Variants in SPRR2G observed in about 807,000 individuals in gnomAD.
SPRR2G encodes small proline rich protein 2G.
A neutral mutation model predicts 0.7 loss-of-function variants in SPRR2G; 1 was observed. The observed-to-expected ratio is 1.49, with a 90% confidence interval of 0.53 to 7.06. SPRR2G has a LOEUF of 7.06. SPRR2G is among the 30% of genes most tolerant of loss of function. The pLI, the probability that SPRR2G is intolerant of heterozygous loss-of-function variation, is 0.14. For synonymous variants in SPRR2G, 38 were observed against 33.9 expected (o/e 1.12, Z -0.42); for missense variants, 96 against 88.5 (o/e 1.09, Z -0.34).
the SPRR2G span, among the ~76,000 whole-genome samples, chr1:153,172,586 G>A: frequency 2.0e-5 from 3 of 152,040 alleles, no homozygotes; most frequent in Non-Finnish European, 4.4e-5. Flanking sequence ...AACCTTGCTA[G>A]TCACTCAATA....
the SPRR2G span, among the ~76,000 whole-genome samples, chr1:153,196,470 T>C: frequency 6.6e-6 from 1 of 152,250 alleles, no homozygotes; most frequent in Non-Finnish European, 1.5e-5. Flanking sequence ...GATGGACATT[T>C]AGGTTATTTT....
chr1:153,187,940 T>G, the SPRR2G span, among the ~76,000 whole-genome samples: 42 of 152,208 alleles, frequency 2.8e-4, no homozygotes, highest in Non-Finnish European at 6.2e-4. Flanking sequence ...TTTGTTAGTT[T>G]TCCTTCCAAC....
At chr1:153,171,338 A>G in the SPRR2G span, among the ~76,000 whole-genome samples, 1 of 152,222 alleles carries the variant, frequency 6.6e-6, no homozygotes, top group African/African-American at 2.4e-5. Flanking sequence ...TACAGCTACT[A>G]TTGAGCTAAT....
At chr1:153,179,440 A>T in the SPRR2G span, among the ~76,000 whole-genome samples, 2 of 152,126 alleles carry the variant, frequency 1.3e-5, no homozygotes, top group African/African-American at 4.8e-5. Context: ...AGAATTCAAT[A>T]TGAAGTTGTT....
At chr1:153,177,119 G>T in the SPRR2G span, among the ~76,000 whole-genome samples, 3 of 152,108 alleles carry the variant, frequency 2.0e-5, no homozygotes, top group Admixed American at 2.0e-4. Flanking sequence ...AACGTACTCT[G>T]CTGTGTTTGG....
the SPRR2G span, chr1:153,191,707 GT>G: frequency 5.9e-5 from 9 of 152,100 alleles, no homozygotes; most frequent in Admixed American, 5.2e-4. Context: ...GGACCCCAAG[GT>G]TCCCACACCA....
chr1:153,174,137 T>A, the SPRR2G span, among the ~76,000 whole-genome samples: 1 of 152,178 alleles, frequency 6.6e-6, no homozygotes, highest in South Asian at 2.1e-4. Context: ...AAAGCTTTGA[T>A]CAGACCTATT....
the SPRR2G span, among the ~76,000 whole-genome samples, chr1:153,172,810 C>T: frequency 1.3e-5 from 2 of 152,168 alleles, no homozygotes; most frequent in Non-Finnish European, 2.9e-5. Flanking sequence ...GGGATTATCC[C>T]TAAAAGGAGA....
the SPRR2G span, among the ~76,000 whole-genome samples, chr1:153,169,841 T>C: frequency 6.6e-6 from 1 of 152,226 alleles, no homozygotes; most frequent in Non-Finnish European, 1.5e-5. Context: ...TCCTGCCTTA[T>C]TCTTCTCACC....
chr1:153,197,132 A>ATGTGTGTGTGTGTGTGTGTG, the SPRR2G span, among the ~76,000 whole-genome samples: 8 of 140,402 alleles, frequency 5.7e-5, no homozygotes, highest in African/African-American at 2.2e-4. Flanking sequence ...CAGGCAGAGA[A>ATGTGTGTGTGTGTGTGTGTG]TGTGTGTGTG....
chr1:153,172,655 G>A, the SPRR2G span, among the ~76,000 whole-genome samples: 1 of 152,194 alleles, frequency 6.6e-6, no homozygotes, highest in East Asian at 1.9e-4. Context: ...ATTAGTAACT[G>A]GAATGAGGCA....
chr1:153,198,120 T>C, the SPRR2G span, among the ~76,000 whole-genome samples: 1 of 152,088 alleles, frequency 6.6e-6, no homozygotes. Flanking sequence ...GAATTTCCTA[T>C]GAGTTCAAGG....
At position 153,149,728 on chromosome 1, in the gene SPRR2G, G is replaced by C. The variant is rs368131324; in HGVS notation, c.*161C>G. 5 of 882,444 alleles carry C rather than the reference G, an allele frequency of 5.7e-6. No homozygotes were observed. In the South Asian group the frequency reaches 6.5e-5, roughly 12 times the overall value. 54.7% of individuals were successfully genotyped at this position (882,444 alleles called of 1,614,324 possible). On this transcript the variant is annotated 3_prime_UTR_variant, in exon 2 of 2. Transcript: ENST00000368748. ...GCTGCTCATCTTCCAACAACATATC[G>C]GTTTTCAGAACTAAGCCTTTTCTCT...
chr1:153,198,136 G>T, the SPRR2G span, among the ~76,000 whole-genome samples: 2 of 152,122 alleles, frequency 1.3e-5, no homozygotes, highest in Admixed American at 6.5e-5. Context: ...CAAGGTTGAG[G>T]AGGAGAGAGG....
At chr1:153,197,957 T>A in the SPRR2G span, among the ~76,000 whole-genome samples, 1 of 152,172 alleles carries the variant, frequency 6.6e-6, no homozygotes, top group African/African-American at 2.4e-5. Flanking sequence ...ACAGAGATTT[T>A]AAAAAGTAAT....
chr1:153,166,525 C>T, the SPRR2G span, among the ~76,000 whole-genome samples: 102 of 152,220 alleles, frequency 6.7e-4, no homozygotes, highest in African/African-American at 2.3e-3. Flanking sequence ...AAAATTACTA[C>T]CCCTTCTTCT....
chr1:153,200,991 C>T, the SPRR2G span, among the ~76,000 whole-genome samples: 1 of 152,178 alleles, frequency 6.6e-6, no homozygotes, highest in South Asian at 2.1e-4. Flanking sequence ...CAGGTGTGAG[C>T]CACCGCGCCT....
At chr1:153,199,307 C>T in the SPRR2G span, among the ~76,000 whole-genome samples, 11 of 152,290 alleles carry the variant, frequency 7.2e-5, no homozygotes, top group Non-Finnish European at 1.2e-4. Flanking sequence ...TGTAGGAGAG[C>T]TTGCCAATGC....
the SPRR2G span, among the ~76,000 whole-genome samples, chr1:153,197,108 G>A: frequency 6.6e-6 from 1 of 151,120 alleles, no homozygotes; most frequent in Non-Finnish European, 1.5e-5. Context: ...CAGTTCTCCT[G>A]AAGTGGGTCT....
Sources: gnomAD v4.1 joint callset for allele counts (sites outside exome capture counted in the v4.1 genomes callset) on GRCh38, gnomAD v4.1.1 for gene constraint, MANE v1.5 for transcripts, NCBI Gene and HGNC (gene_info 2026-07-23, HGNC 2026-07-21) for gene names.